Variants in GNAL observed in about 807,000 individuals in gnomAD.
GNAL encodes the protein guanine nucleotide-binding protein G(olf) subunit alpha.
Under a neutral mutation model 55.1 loss-of-function variants are expected in GNAL, and 18 were observed. That is an observed-to-expected ratio of 0.33 (90% confidence interval 0.23 to 0.48). The LOEUF (loss-of-function observed/expected upper bound fraction) is 0.48. Ranked by LOEUF, GNAL falls within the 20% of genes least tolerant of loss-of-function variation. The pLI, the probability that GNAL is intolerant of heterozygous loss-of-function variation, is 0.99. For synonymous variants in GNAL, 253 were observed against 237.0 expected (o/e 1.07, Z -0.62); for missense variants, 412 against 614.1 (o/e 0.67, Z 3.48).
At chr18:11,858,573 A>G (rs3885902) in intron 5 of GNAL, among the ~76,000 whole-genome samples, 10,483 of 152,306 alleles carry the variant, frequency 0.069, 486 homozygotes, top group African/African-American at 0.14. Context: ...TACTCCTGCA[A>G]CATGCTTGGA....
At chr18:11,724,261 C>T (rs8099624) in intron 1 of GNAL, among the ~76,000 whole-genome samples, 1,985 of 152,208 alleles carry the variant, frequency 0.013, 39 homozygotes, top group African/African-American at 0.045. Flanking sequence ...AGGAAACTTA[C>T]GGGGGCAGCG....
intron 4 of GNAL, among the ~76,000 whole-genome samples, chr18:11,787,656 C>T (rs1252183147): frequency 5.9e-5 from 9 of 152,230 alleles, no homozygotes; most frequent in South Asian, 2.1e-4. Context: ...GGGCGGATCA[C>T]GAGGTCAGGA....
intron 5 of GNAL, chr18:11,852,310 T>C: frequency 1.6e-6 from 1 of 616,948 alleles, no homozygotes; most frequent in Non-Finnish European, 2.8e-6. Context: ...TAAAGTTCTG[T>C]ATAGCTCGTA....
At chr18:11,824,164 A>G (rs2035178040) in intron 4 of GNAL, among the ~76,000 whole-genome samples, 1 of 151,724 alleles carries the variant, frequency 6.6e-6, no homozygotes, top group African/African-American at 2.4e-5. Context: ...CTACTCAACC[A>G]TGTCCATTCC....
intron 1 of GNAL, among the ~76,000 whole-genome samples, chr18:11,748,977 T>G (rs1402657855): frequency 2.0e-5 from 3 of 151,842 alleles, no homozygotes; most frequent in Non-Finnish European, 4.4e-5. Context: ...ATACAAAAAA[T>G]TAGCTGGGTG....
At chr18:11,704,825 G>A (rs2143335366) in intron 1 of GNAL, among the ~76,000 whole-genome samples, 1 of 151,950 alleles carries the variant, frequency 6.6e-6, no homozygotes, top group African/African-American at 2.4e-5. Context: ...TAGTTGAAAT[G>A]CATACAGAAA....
intron 1 of GNAL, among the ~76,000 whole-genome samples, chr18:11,743,766 T>C (rs1029245704): frequency 1.8e-4 from 28 of 152,250 alleles, no homozygotes; most frequent in African/African-American, 6.7e-4. Context: ...ACAGATGGGG[T>C]TGCTGATTTT....
chr18:11,810,131 C>CTATAATG (rs1321932049), intron 4 of GNAL, among the ~76,000 whole-genome samples: 1 of 152,210 alleles, frequency 6.6e-6, no homozygotes, highest in Non-Finnish European at 1.5e-5. Context: ...CGGCTCACGC[C>CTATAATG]TATAATGTCA....
intron 1 of GNAL, among the ~76,000 whole-genome samples, chr18:11,692,961 T>C (rs545583954): frequency 6.6e-6 from 1 of 152,130 alleles, no homozygotes; most frequent in East Asian, 1.9e-4. Flanking sequence ...AAGACATTAA[T>C]TGGAAATTAC....
intron 4 of GNAL, among the ~76,000 whole-genome samples, chr18:11,757,890 G>A (rs1159980174): frequency 6.6e-6 from 1 of 152,008 alleles, no homozygotes; most frequent in Non-Finnish European, 1.5e-5. Context: ...CGGTGACCTT[G>A]ATAAGGACCC....
At chr18:11,843,234 C>T (rs1414675825) in intron 5 of GNAL, among the ~76,000 whole-genome samples, 1 of 152,000 alleles carries the variant, frequency 6.6e-6, no homozygotes, top group Admixed American at 6.6e-5. Flanking sequence ...TGTGGTGGCT[C>T]ACGCCTGTAA....
chr18:11,776,162 G>A (rs2033777721), intron 4 of GNAL, among the ~76,000 whole-genome samples: 1 of 152,156 alleles, frequency 6.6e-6, no homozygotes, highest in African/African-American at 2.4e-5. Flanking sequence ...GACTCTGCTG[G>A]CTTCTATGCC....
intron 4 of GNAL, among the ~76,000 whole-genome samples, chr18:11,790,309 T>C (rs1420646319): frequency 3.3e-5 from 5 of 151,824 alleles, no homozygotes; most frequent in Admixed American, 6.6e-5. Context: ...TCCTCATGAT[T>C]CCCCCAGCTT....
rs143430455 is a variant in GNAL, at chr18:11,790,900, G to T, written c.625-34018G>T. On this transcript the variant is annotated intron_variant, in intron 4 of 11. Transcript: ENST00000334049. ...TCTTGATCTCCTGACCTCGTAATCC[G>T]CCTGCCTCAGCTTCCCTAAGTTCTG... 2.8e-4 allele frequency among the ~76,000 whole-genome samples: 42 copies of T among 152,028 alleles called. No homozygotes were observed. The East Asian group carries it at 6.6e-3, about 24-fold the overall frequency.
Position 11,752,264 on chromosome 18 carries a change from G to T in GNAL, c.377-589G>T. 1 of 1,370,478 alleles carries T rather than the reference G, an allele frequency of 7.3e-7. No individual in the cohort carries two copies. Among genetic ancestry groups the T allele is most frequent in the Non-Finnish European group, 9.5e-7 (1 of 1,056,048 alleles). 84.9% of individuals were successfully genotyped at this position (1,370,478 alleles called of 1,614,324 possible). ...TAGTTGGGAGTTTGCGGTGGGCAGG[G>T]GGAGGGAGAAGAAACGCCTGCTCTG... On this transcript the variant is annotated intron_variant, in intron 1 of 11. Transcript: ENST00000334049. This position sits in a 1 kb window ranked among gnomAD's most constrained non-coding sequence, Gnocchi z 4.5.
chr18:11,736,449 TTA>T (rs1177714210), intron 1 of GNAL, among the ~76,000 whole-genome samples: 1 of 152,224 alleles, frequency 6.6e-6, no homozygotes, highest in Non-Finnish European at 1.5e-5. Flanking sequence ...TGTAGAAGTA[TTA>T]GTTTTATTTT....
intron 1 of GNAL, among the ~76,000 whole-genome samples, chr18:11,697,608 C>T (rs751495711): frequency 9.9e-5 from 15 of 151,508 alleles, no homozygotes; most frequent in Middle Eastern, 3.2e-3. Flanking sequence ...CATTCAGATG[C>T]GGTGACAATG....
Position 11,881,111 on chromosome 18 carries a change from C to T in GNAL, c.1353C>T (p.His451=), listed in dbSNP as rs1170257906. The T allele has an allele frequency of 4.3e-6, 7 of 1,611,542 alleles. No individual in the cohort carries two copies. The highest frequency in any genetic ancestry group is 5.9e-6 in the Non-Finnish European group (7 of 1,178,854). ...NDCRDIIQRM[H]LKQYELL ...GCCGCGACATCATCCAGCGGATGCACCTCAAGCAGTATGAGCTCTTGTGAG... is the reference window on the plus strand; with the variant it reads ...GCCGCGACATCATCCAGCGGATGCATCTCAAGCAGTATGAGCTCTTGTGAG... The change falls in exon 12 of 12, where the codon CAC becomes CAT. Residue 451 remains histidine (H), a synonymous_variant. Transcript: ENST00000334049. This position sits in a 1 kb window ranked among gnomAD's most constrained non-coding sequence, Gnocchi z 4.8.
intron 4 of GNAL, among the ~76,000 whole-genome samples, chr18:11,760,509 A>G (rs1348031805): frequency 6.6e-6 from 1 of 152,200 alleles, no homozygotes; most frequent in African/African-American, 2.4e-5. Flanking sequence ...GGAAGGAAAA[A>G]GTACCATGTT....
Sources: allele counts gnomAD v4.1 joint callset (sites outside exome capture counted in the v4.1 genomes callset), GRCh38; gene constraint gnomAD v4.1.1; non-coding constraint Gnocchi (gnomAD v3.1); transcripts MANE v1.5; gene names NCBI Gene and HGNC (gene_info 2026-07-23, HGNC 2026-07-21).